The following PLGRKT variants were observed in gnomAD, a reference collection of about 807,000 sequenced individuals.
The protein encoded by PLGRKT is plasminogen receptor (KT).
In PLGRKT, 22 loss-of-function variants were observed where a neutral mutation model predicts 18.5. That is an observed-to-expected ratio of 1.19 (90% CI 0.85 to 1.70). The LOEUF (loss-of-function observed/expected upper bound fraction) is 1.70. Ranked by LOEUF, PLGRKT falls within the 40% of genes most tolerant of loss-of-function variation. The pLI, the probability that PLGRKT is intolerant of heterozygous loss-of-function variation, is 0.00. For synonymous variants in PLGRKT, 72 were observed against 52.8 expected, an observed-to-expected ratio of 1.36 and a Z score of -1.58; for missense variants, 235 against 174.4, an observed-to-expected ratio of 1.35 and a Z score of -1.96.
chr9:5,435,448 A>G (rs3780392), intron 2 of PLGRKT, among the ~76,000 whole-genome samples: 101,957 of 151,970 alleles, frequency 0.67, 34,368 homozygotes, highest in Non-Finnish European at 0.7. Flanking sequence ...ACCCACTGCT[A>G]ACTGCCTTAG....
chr9:5,363,118 C>G (rs549996387), intron 3 of PLGRKT, among the ~76,000 whole-genome samples: 2 of 151,818 alleles, frequency 1.3e-5, no homozygotes, highest in African/African-American at 4.8e-5. Flanking sequence ...CTAGAGCCAG[C>G]GGACCCCATA....
intron 3 of PLGRKT, among the ~76,000 whole-genome samples, chr9:5,363,087 G>T (rs1817303368): frequency 6.6e-6 from 1 of 151,854 alleles, no homozygotes; most frequent in South Asian, 2.1e-4. Flanking sequence ...AGAGCAGGGG[G>T]ACTACCAATG....
intron 5 of PLGRKT, 67 bp from the exon 6 acceptor site, chr9:5,358,427 T>C (rs1817186816): frequency 1.4e-6 from 2 of 1,443,312 alleles, no homozygotes; most frequent in East Asian, 2.3e-5. Flanking sequence ...CAAAGCCTGA[T>C]TGCTATATTC....
At chr9:5,422,390 G>C (rs904184201) in intron 3 of PLGRKT, among the ~76,000 whole-genome samples, 1 of 152,134 alleles carries the variant, frequency 6.6e-6, no homozygotes, top group Non-Finnish European at 1.5e-5. Context: ...CACTTCATAG[G>C]AAGAATGAAA....
chr9:5,416,748 C>A (rs1818468564), intron 3 of PLGRKT, among the ~76,000 whole-genome samples: 1 of 152,164 alleles, frequency 6.6e-6, no homozygotes, highest in Non-Finnish European at 1.5e-5. Context: ...AAGTGTCTGT[C>A]CTGGACCCAT....
chr9:5,416,572 C>A (rs552138247), intron 3 of PLGRKT, among the ~76,000 whole-genome samples: 1 of 151,990 alleles, frequency 6.6e-6, no homozygotes, highest in East Asian at 1.9e-4. Flanking sequence ...CTTGCCCAAG[C>A]AATGAAGAAC....
chr9:5,404,275 T>G (rs1391557658), intron 3 of PLGRKT, among the ~76,000 whole-genome samples: 2 of 152,190 alleles, frequency 1.3e-5, no homozygotes, highest in Non-Finnish European at 2.9e-5. Flanking sequence ...ACTCATTCTA[T>G]GAGGACAGCA....
chr9:5,381,834 A>G, intron 3 of PLGRKT: 1 of 970,800 alleles, frequency 1.0e-6, no homozygotes, highest in Non-Finnish European at 1.2e-6. Context: ...CATAAAGCAA[A>G]AACAACAGAC....
intron 3 of PLGRKT, among the ~76,000 whole-genome samples, chr9:5,398,575 T>A (rs553733645): frequency 6.6e-6 from 1 of 151,698 alleles, no homozygotes; most frequent in Non-Finnish European, 1.5e-5. Context: ...ATGCTCTAAG[T>A]TTTCAATTTG....
At chr9:5,379,593 G>C (rs953713755) in intron 3 of PLGRKT, among the ~76,000 whole-genome samples, 8 of 151,180 alleles carry the variant, frequency 5.3e-5, no homozygotes, top group Admixed American at 6.6e-5. Context: ...TAATAGTAAA[G>C]AAAATCTACA....
chr9:5,422,612 A>G (rs948518438), intron 3 of PLGRKT, among the ~76,000 whole-genome samples: 4 of 152,208 alleles, frequency 2.6e-5, no homozygotes, highest in Non-Finnish European at 4.4e-5. Flanking sequence ...TTCAAACACA[A>G]CTGTAAAAGA....
intron 3 of PLGRKT, among the ~76,000 whole-genome samples, chr9:5,373,504 C>G (rs1481579888): frequency 6.6e-6 from 1 of 152,128 alleles, no homozygotes; most frequent in Non-Finnish European, 1.5e-5. Context: ...GCTTTTGGCT[C>G]TATGAGAAAA....
At chr9:5,397,985 A>G (rs1479968278) in intron 3 of PLGRKT, among the ~76,000 whole-genome samples, 1 of 152,008 alleles carries the variant, frequency 6.6e-6, no homozygotes, top group Admixed American at 6.5e-5. Context: ...GATCTGTGCA[A>G]ATAGGAACTC....
At chr9:5,395,105 C>CAAA (rs34566239) in intron 3 of PLGRKT, among the ~76,000 whole-genome samples, 35,608 of 122,890 alleles carry the variant, frequency 0.29, 4,196 homozygotes, top group Non-Finnish European at 0.31. Flanking sequence ...AAAGGCTTTG[C>CAAA]AAAAAAAAAA....
chr9:5,408,128 A>G (rs895915004), intron 3 of PLGRKT, among the ~76,000 whole-genome samples: 3 of 152,254 alleles, frequency 2.0e-5, no homozygotes, highest in Non-Finnish European at 4.4e-5. Flanking sequence ...CTATAAAATC[A>G]TATTATCTTG....
In PLGRKT at chr9:5,387,959, T is replaced by C. The variant is rs191922440; in HGVS notation, c.82-26071A>G. ...TCTAGATATATTTGGAATTGGGAGC[T>C]GAAATGATTTTCTGATGGACTGGAT... is the stretch of plus-strand genomic sequence containing the variant. On this transcript the variant is annotated intron_variant, in intron 3 of 5. Coordinates refer to ENST00000223864, the MANE Select transcript of PLGRKT (RefSeq NM_018465.4). Among the ~76,000 whole-genome samples, 55 of 151,930 alleles carry C rather than the reference T, an allele frequency of 3.6e-4. 3 individuals are homozygous for C. The highest frequency in any genetic ancestry group is 1.3e-3 in the African/African-American group (54 of 41,242).
At chr9:5,360,341 C>T (rs186926370) in intron 5 of PLGRKT, among the ~76,000 whole-genome samples, 1 of 152,144 alleles carries the variant, frequency 6.6e-6, no homozygotes, top group African/African-American at 2.4e-5. Context: ...AAGGGCCAGA[C>T]AGTAAATATT....
At chr9:5,393,497 G>C (rs1817988206) in intron 3 of PLGRKT, among the ~76,000 whole-genome samples, 1 of 151,582 alleles carries the variant, frequency 6.6e-6, no homozygotes. Flanking sequence ...TTTCAAAGAG[G>C]TTTATTCTAT....
At chr9:5,375,625 T>A (rs924986971) in intron 3 of PLGRKT, among the ~76,000 whole-genome samples, 1 of 152,018 alleles carries the variant, frequency 6.6e-6, no homozygotes. Flanking sequence ...AATAAAAAAA[T>A]TGCCACTTTC....
Sources: gnomAD v4.1 joint callset for allele counts (sites outside exome capture counted in the v4.1 genomes callset) on GRCh38, gnomAD v4.1.1 for gene constraint, MANE v1.5 for transcripts, NCBI Gene and HGNC (gene_info 2026-07-23, HGNC 2026-07-21) for gene names.